CEPT1: variants seen among roughly 807,000 people sequenced by gnomAD.
CEPT1 encodes the protein choline/ethanolamine phosphotransferase 1, also known as choline/ethanolaminephosphotransferase 1.
In CEPT1, 7 loss-of-function variants were observed where a neutral mutation model predicts 42.6. The observed-to-expected ratio is 0.16, with a 90% CI of 0.09 to 0.31. The LOEUF is 0.31. Among genes scored for constraint, CEPT1 ranks in the 10% least tolerant of loss-of-function variants. The probability of loss-of-function intolerance (pLI) is 1.00; values close to 1 mark genes in which losing one functional copy is unlikely to be tolerated. For synonymous variants in CEPT1, 171 were observed against 171.9 expected, an observed-to-expected ratio of 0.99 and a Z score of 0.04; for missense variants, 306 against 502.1, an observed-to-expected ratio of 0.61 and a Z score of 3.73.
chr1:111,158,118 G>A (rs1471604401), intron 2 of CEPT1, among the ~76,000 whole-genome samples: 1 of 152,158 alleles, frequency 6.6e-6, no homozygotes, highest in Non-Finnish European at 1.5e-5. Flanking sequence ...GAGGTGGGCG[G>A]ATCACTTGAG....
rs111626110 is a variant in CEPT1, at chr1:111,183,476, G to A, written c.1020G>A (p.Thr340=). ...ITNKLVVAHM[T]KSEMHLHDTA... ...TTTATTCATAGGTTGCACACATGAC[G>A]AAAAGTGAAATGCATTTGCATGACA... is the stretch of plus-strand genomic sequence containing the variant. The change falls in exon 8 of 9, where the codon ACG becomes ACA. Residue 340 remains threonine (T), a synonymous_variant. Coordinates refer to ENST00000357172, the MANE Select transcript of CEPT1 (RefSeq NM_006090.5). 2,338 of 1,613,600 alleles carry A rather than the reference G, an allele frequency of 1.4e-3. 8 individuals are homozygous for A. The highest frequency in any genetic ancestry group is 0.012 in the Middle Eastern group (75 of 6,060).
intron 1 of CEPT1, among the ~76,000 whole-genome samples, chr1:111,141,229 T>C (rs931136395): frequency 2.0e-5 from 3 of 152,232 alleles, no homozygotes; most frequent in Non-Finnish European, 2.9e-5. Context: ...GAACGACTTA[T>C]AACACAAGTT....
rs529928827 is a variant in CEPT1, at chr1:111,164,913, A to G, written c.629+3617A>G. 1.3e-4 allele frequency among the ~76,000 whole-genome samples: 19 copies of G among 150,142 alleles called. No homozygotes were observed. In the East Asian group the frequency reaches 1.8e-3, roughly 14 times the overall value. Reference sequence around the variant, plus strand: ...GCTGGGATTAGGTGTGAGCCACCGCACCCGGCCTATATTAGGTTATTTTTA... The same window carrying G: ...GCTGGGATTAGGTGTGAGCCACCGCGCCCGGCCTATATTAGGTTATTTTTA... On this transcript the variant is annotated intron_variant, in intron 4 of 8. Coordinates refer to ENST00000357172, the MANE Select transcript of CEPT1 (RefSeq NM_006090.5).
Position 111,182,331 on chromosome 1 carries a change from T to G in CEPT1, c.846+13T>G. ...ATCAACAATAGCAGTAAGTATACCT[T>G]AAGATTTTCAACACTTGTTTACACT... On this transcript the variant is annotated intron_variant, in intron 6 of 8. Coordinates refer to ENST00000357172, the MANE Select transcript of CEPT1 (RefSeq NM_006090.5). The G allele has an allele frequency of 1.2e-6, 2 of 1,608,250 alleles. No individual in the cohort carries two copies. The highest frequency in any genetic ancestry group is 1.7e-6 in the Non-Finnish European group (2 of 1,178,086).
At chr1:111,162,628 A>T (rs891006958) in intron 4 of CEPT1, among the ~76,000 whole-genome samples, 4 of 152,244 alleles carry the variant, frequency 2.6e-5, no homozygotes, top group African/African-American at 9.6e-5. Flanking sequence ...AAATTTATTG[A>T]ACAGCCAGAG....
intron 4 of CEPT1, among the ~76,000 whole-genome samples, chr1:111,164,810 A>G (rs1656052320): frequency 2.0e-5 from 3 of 151,756 alleles, no homozygotes; most frequent in Admixed American, 2.0e-4. Flanking sequence ...TTTTTAGTAG[A>G]GATGGGGTTT....
Position 111,168,516 on chromosome 1 carries a change from TCTCA to T in CEPT1, c.630-6359_630-6356del, listed in dbSNP as rs572327554. Reference sequence around the variant, plus strand: ...TTCTTTTTTTTTTTTTGAGGCGGAGTCTCACTCTGTCACCCAGGCTGGAGTGCGG... The same window carrying T: ...TTCTTTTTTTTTTTTTGAGGCGGAGTCTCTGTCACCCAGGCTGGAGTGCGG... On this transcript the variant is annotated intron_variant, in intron 4 of 8. Transcript: ENST00000357172. Among the ~76,000 whole-genome samples the T allele has an allele frequency of 2.0e-4, 30 of 149,522 alleles. No individual in the cohort carries two copies. In the South Asian group the frequency reaches 6.4e-3, roughly 32 times the overall value.
intron 3 of CEPT1, 185 bp from the exon 4 acceptor site, chr1:111,160,970 A>AAT: frequency 3.4e-6 from 2 of 596,600 alleles, no homozygotes; most frequent in Non-Finnish European, 5.6e-6. Flanking sequence ...AAAAAAAAAA[A>AAT]GAGAGATTGA....
chr1:111,152,118 A>G (rs1460132031), intron 2 of CEPT1, among the ~76,000 whole-genome samples: 1 of 152,176 alleles, frequency 6.6e-6, no homozygotes, highest in African/African-American at 2.4e-5. Flanking sequence ...GTCGTGTCAG[A>G]TTTCAATATA....
At chr1:111,166,951 G>C (rs1341799530) in intron 4 of CEPT1, among the ~76,000 whole-genome samples, 1 of 152,134 alleles carries the variant, frequency 6.6e-6, no homozygotes, top group African/African-American at 2.4e-5. Context: ...TATAAGGATA[G>C]TATAGTACTG....
At chr1:111,177,990 T>A (rs1656771312) in intron 5 of CEPT1, among the ~76,000 whole-genome samples, 5 of 152,350 alleles carry the variant, frequency 3.3e-5, no homozygotes, top group African/African-American at 1.2e-4. Flanking sequence ...CAACTCCCAA[T>A]ACGGATTCCC....
At chr1:111,145,893 C>G (rs1158506846) in intron 1 of CEPT1, among the ~76,000 whole-genome samples, 1 of 152,188 alleles carries the variant, frequency 6.6e-6, no homozygotes, top group Non-Finnish European at 1.5e-5. Flanking sequence ...CAGAATAAAC[C>G]AGATCCTCTC....
At chr1:111,167,721 CTGTT>C in intron 4 of CEPT1, 1 of 984,034 alleles carries the variant, frequency 1.0e-6, no homozygotes, top group Non-Finnish European at 1.2e-6. Context: ...ATTCTCATTT[CTGTT>C]TGTTTTGCTT....
chr1:111,180,734 T>C (rs1452483973), intron 5 of CEPT1: 1 of 152,236 alleles, frequency 6.6e-6, no homozygotes, highest in Admixed American at 6.5e-5. Context: ...AGAAATAAAG[T>C]ATCCAACCAT....
At chr1:111,171,210 CTT>C (rs1656397144) in intron 4 of CEPT1, among the ~76,000 whole-genome samples, 1 of 152,150 alleles carries the variant, frequency 6.6e-6, no homozygotes, top group South Asian at 2.1e-4. Context: ...AAAATGGAAA[CTT>C]TCAAAATAGA....
At chr1:111,162,278 G>A (rs1571136196) in intron 4 of CEPT1, among the ~76,000 whole-genome samples, 4 of 152,366 alleles carry the variant, frequency 2.6e-5, no homozygotes, top group Admixed American at 2.6e-4. Context: ...AGACCCGTTA[G>A]AGGAAGCATC....
intron 4 of CEPT1, chr1:111,167,893 T>C (rs1262119433): frequency 1.5e-5 from 2 of 136,336 alleles, no homozygotes; most frequent in Non-Finnish European, 2.4e-5. Context: ...ATCTTTTTCC[T>C]TTTTTTTTTT....
intron 2 of CEPT1, among the ~76,000 whole-genome samples, chr1:111,158,997 T>A (rs1655729015): frequency 1.6e-5 from 2 of 128,656 alleles, no homozygotes; most frequent in South Asian, 5.3e-4. Context: ...CACTGCAAGC[T>A]CCGCCTCCCG....
intron 5 of CEPT1, among the ~76,000 whole-genome samples, chr1:111,177,035 A>T (rs1426722000): frequency 2.6e-5 from 4 of 152,254 alleles, no homozygotes; most frequent in Admixed American, 2.6e-4. Flanking sequence ...TATCACTATT[A>T]ACCAAAAAAG....
Sources: gnomAD v4.1 joint callset for allele counts (sites outside exome capture counted in the v4.1 genomes callset) on GRCh38, gnomAD v4.1.1 for gene constraint, MANE v1.5 for transcripts, NCBI Gene and HGNC (gene_info 2026-07-23, HGNC 2026-07-21) for gene names.